CCNJL: variants seen among roughly 807,000 people sequenced by gnomAD.
CCNJL encodes cyclin J like, also known as cyclin-J-like protein.
A neutral mutation model predicts 33.4 loss-of-function variants in CCNJL; 33 were observed. The observed-to-expected ratio is 0.99, with a 90% CI of 0.75 to 1.32. The LOEUF (loss-of-function observed/expected upper bound fraction) is 1.32. CCNJL is among the 40% of genes most tolerant of loss of function. The pLI, the probability that CCNJL is intolerant of heterozygous loss-of-function variation, is 0.00. For missense variants in CCNJL, 512 were observed against 499.7 expected (o/e 1.02, Z -0.23); for synonymous variants, 227 against 220.9 (o/e 1.03, Z -0.24).
intron 3 of CCNJL, among the ~76,000 whole-genome samples, chr5:160,279,882 A>G (rs1314001755): frequency 6.6e-6 from 1 of 152,218 alleles, no homozygotes; most frequent in Non-Finnish European, 1.5e-5. Context: ...CTGTGTTTTA[A>G]GGAGATCATC....
At chr5:160,258,831 G>A (rs1761191211) in intron 4 of CCNJL, among the ~76,000 whole-genome samples, 1 of 152,148 alleles carries the variant, frequency 6.6e-6, no homozygotes, top group Non-Finnish European at 1.5e-5. Flanking sequence ...CAAATAGCTG[G>A]GACTACAGGC....
chr5:160,282,712 A>G (rs1762255582), intron 2 of CCNJL, among the ~76,000 whole-genome samples: 1 of 151,914 alleles, frequency 6.6e-6, no homozygotes. Context: ...GGTGCCCAAC[A>G]TTACTAATCA....
chr5:160,258,396 A>G (rs1204799463), intron 4 of CCNJL: 1 of 820,012 alleles, frequency 1.2e-6, no homozygotes, highest in African/African-American at 1.7e-5. Context: ...AAGAAGCCAT[A>G]AGAAGGCTTC....
rs1016248178 is a variant in CCNJL, at chr5:160,249,892, C to T, written c.*3486G>A. The T allele has an allele frequency of 6.6e-6, 1 of 151,618 alleles. No individual in the cohort carries two copies. The highest frequency in any genetic ancestry group is 2.4e-5 in the African/African-American group (1 of 41,242). 9.4% of individuals were successfully genotyped at this position (151,618 alleles called of 1,614,324 possible). A position where few individuals can be genotyped will look rare whatever the true frequency, so the allele number is the denominator to read the frequency against. On this transcript the variant is annotated 3_prime_UTR_variant, in exon 6 of 6. Coordinates refer to ENST00000257536, the MANE Select transcript of CCNJL (RefSeq NM_001308173.3). Reference sequence around the variant, plus strand: ...AAAAACAAACAAAGAAATCATATGCCTGAATGACCAAGAAGCTGGCTAAAG... The same window carrying T: ...AAAAACAAACAAAGAAATCATATGCTTGAATGACCAAGAAGCTGGCTAAAG...
chr5:160,318,530 G>A (rs891319217), intron 1 of CCNJL, among the ~76,000 whole-genome samples: 2 of 152,218 alleles, frequency 1.3e-5, no homozygotes, highest in Admixed American at 6.5e-5. Flanking sequence ...ATGAATGACC[G>A]GGGAACCCTA....
At position 160,267,355 on chromosome 5, in the gene CCNJL, C is replaced by T. The variant is rs189015736; in HGVS notation, c.281-7584G>A. On this transcript the variant is annotated intron_variant, in intron 3 of 5. Coordinates refer to ENST00000257536, the MANE Select transcript of CCNJL (RefSeq NM_001308173.3). ...GAAGCTCAGAAAGGTTGAGTTACCC[C>T]GATCTCCCAGCTGATAAGGGACAAA... Among the ~76,000 whole-genome samples the T allele has an allele frequency of 1.8e-3, 267 of 152,240 alleles. 1 individual carries two copies. Among genetic ancestry groups the T allele is most frequent in the African/African-American group, 5.3e-3 (219 of 41,526 alleles).
chr5:160,303,143 T>C (rs974402331), intron 2 of CCNJL, among the ~76,000 whole-genome samples: 3 of 152,200 alleles, frequency 2.0e-5, no homozygotes, highest in African/African-American at 4.8e-5. Context: ...TGGAGAAGAA[T>C]GATATGGAAA....
chr5:160,291,955 G>A (rs1053477508), intron 2 of CCNJL, among the ~76,000 whole-genome samples: 3 of 152,148 alleles, frequency 2.0e-5, no homozygotes, highest in Admixed American at 6.5e-5. Context: ...GAACTGGCCC[G>A]ACTTGGAAAT....
In CCNJL at chr5:160,328,639, G is replaced by A. The variant is rs559468631; in HGVS notation, n.206+10806C>T. Among the ~76,000 whole-genome samples the A allele has an allele frequency of 4.0e-5, 6 of 150,428 alleles. No homozygotes were observed. The East Asian group carries it at 1.2e-3, about 29-fold the overall frequency. ...TTATTGGCTTACTCCTGTAATCCCA[G>A]CTCTTTGGGATCACGAGGTCAGGAG... is the stretch of plus-strand genomic sequence containing the variant. On this transcript the variant is annotated intron_variant and non_coding_transcript_variant, in intron 1 of 7. Coordinates refer to the CCNJL transcript ENST00000377503.
chr5:160,253,579 C>T lies in CCNJL; in HGVS notation c.963G>A (p.Leu321=). The T allele has an allele frequency of 6.2e-7, 1 of 1,614,132 alleles. No homozygotes were observed. ...GGGATGAGCCTGTACTCCCCGAGAG[C>T]AGGCTCCCTGAACGGTGGGCCTGCA... ...DSLQAHRSGS[L]LSGSTGSSLH... Residue 321 remains leucine (L), a synonymous_variant, in exon 6 of 6, where the codon CTG becomes CTA. Transcript: ENST00000257536.
chr5:160,326,752 C>T lies in CCNJL; in HGVS notation n.207-11247G>A, dbSNP rs1008512880. The T allele has an allele frequency of 3.5e-6, 3 of 869,354 alleles. No individual in the cohort carries two copies. In the African/African-American group the frequency reaches 5.1e-5, roughly 15 times the overall value. 53.9% of individuals were successfully genotyped at this position (869,354 alleles called of 1,614,324 possible). On this transcript the variant is annotated intron_variant and non_coding_transcript_variant, in intron 1 of 7. Coordinates refer to the CCNJL transcript ENST00000377503. ...AGGTTATGGTGCAGCCCATCAATCT[C>T]ATCTTCAGATAAACTTACAAAATAG...
chr5:160,273,466 A>AATAT (rs1011453746), intron 3 of CCNJL, among the ~76,000 whole-genome samples: 3 of 152,062 alleles, frequency 2.0e-5, no homozygotes, highest in African/African-American at 7.2e-5. Flanking sequence ...AAAGCACAAA[A>AATAT]ATATGAAAAA....
At chr5:160,337,713 T>G (rs1346685793) in intron 1 of CCNJL, among the ~76,000 whole-genome samples, 1 of 152,174 alleles carries the variant, frequency 6.6e-6, no homozygotes, top group Non-Finnish European at 1.5e-5. Context: ...TTTGTAGGCA[T>G]GAATTGAAAG....
At chr5:160,300,315 A>G (rs1762882751) in intron 2 of CCNJL, among the ~76,000 whole-genome samples, 1 of 152,140 alleles carries the variant, frequency 6.6e-6, no homozygotes, top group Non-Finnish European at 1.5e-5. Flanking sequence ...TCACCTTAAC[A>G]GCCCTCATCC....
intron 3 of CCNJL, among the ~76,000 whole-genome samples, chr5:160,277,890 C>T (rs539349308): frequency 3.9e-5 from 6 of 152,084 alleles, no homozygotes; most frequent in Middle Eastern, 3.4e-3. Context: ...GGATTACAGG[C>T]GCCCATCACG....
rs1196423718 is a variant in CCNJL at position 160,253,074 on chromosome 5, C to T, written c.*304G>A. 3 of 310,074 alleles carry T rather than the reference C, an allele frequency of 9.7e-6. No homozygotes were observed. The highest frequency in any genetic ancestry group is 1.8e-5 in the Non-Finnish European group (3 of 169,320). The allele number at this position is 310,074 out of a possible 1,614,324, so 19.2% of individuals were successfully genotyped here. ...CAGTGGTCTGTGTCCAGTTCCCACT[C>T]TCCTGGCCTCTTATCAAGTCTTTCT... On this transcript the variant is annotated 3_prime_UTR_variant, in exon 6 of 6. Coordinates refer to ENST00000257536, the MANE Select transcript of CCNJL (RefSeq NM_001308173.3).
chr5:160,302,491 G>C (rs188769469), intron 2 of CCNJL, among the ~76,000 whole-genome samples: 4 of 152,210 alleles, frequency 2.6e-5, no homozygotes, highest in Non-Finnish European at 5.9e-5. Context: ...TTTCATAAAA[G>C]TTATTTAGAT....
intron 1 of CCNJL, among the ~76,000 whole-genome samples, chr5:160,324,308 CATGCCTGT>C (rs1380683095): frequency 6.6e-6 from 1 of 151,972 alleles, no homozygotes; most frequent in Non-Finnish European, 1.5e-5. Context: ...CGTGGTGGCT[CATGCCTGT>C]AATCCCAGCA....
intron 1 of CCNJL, among the ~76,000 whole-genome samples, chr5:160,334,838 A>G (rs1763663258): frequency 6.6e-6 from 1 of 152,260 alleles, no homozygotes; most frequent in African/African-American, 2.4e-5. Flanking sequence ...AATCCATGAC[A>G]AGAAAATGTG....
Sources: allele counts gnomAD v4.1 joint callset (sites outside exome capture counted in the v4.1 genomes callset), GRCh38; gene constraint gnomAD v4.1.1; transcripts MANE v1.5; gene names NCBI Gene and HGNC (gene_info 2026-07-23, HGNC 2026-07-21).